Variants in DNA2 observed in about 807,000 individuals in gnomAD.
The protein encoded by DNA2 is DNA replication helicase/nuclease 2, also known as DNA replication ATP-dependent helicase/nuclease DNA2.
DNA2 carries 101 observed loss-of-function variants against 119.1 expected under a neutral mutation model. The observed-to-expected ratio is 0.85, with a 90% CI of 0.72 to 1.00. The LOEUF is 1.00. Among genes scored for constraint, DNA2 ranks in the 50% least tolerant of loss-of-function variants. The probability of loss-of-function intolerance (pLI) is 0.00; values close to 1 mark genes in which losing one functional copy is unlikely to be tolerated. For missense variants in DNA2, 1,121 were observed against 1,255.5 expected (o/e 0.89, Z 1.62); for synonymous variants, 366 against 424.4 (o/e 0.86, Z 1.69).
In DNA2 at chr10:68,416,808, G is replaced by C; in HGVS notation, c.3015C>G (p.Thr1005=). Residue 1005 remains threonine (T), a synonymous_variant, in exon 20 of 21, where the codon ACC becomes ACG. Coordinates refer to ENST00000358410, the MANE Select transcript of DNA2 (RefSeq NM_001080449.3). ...KDWRRLNVAI[T]RAKHKLILLG... ...GAAGAATCAGTTTATGTTTGGCTCTGGTTATAGCAACATTAAGACGTCGCC... is the reference window on the plus strand; with the variant it reads ...GAAGAATCAGTTTATGTTTGGCTCTCGTTATAGCAACATTAAGACGTCGCC... 6.2e-7 allele frequency: 1 copy of C among 1,613,478 alleles called. No homozygotes were observed.
chr10:68,453,919 A>G (rs2052151827), intron 5 of DNA2, among the ~76,000 whole-genome samples: 1 of 152,214 alleles, frequency 6.6e-6, no homozygotes, highest in East Asian at 1.9e-4. Context: ...AAATGTATAT[A>G]AGTTTGTGTT....
rs979221605 is a variant in DNA2, at chr10:68,446,479, C to T, written c.940-66G>A. The stretch of plus-strand genomic sequence containing the variant: ...TCTTGTATTTCCTTACATTGTCTTG[C>T]AACCAACACATAATTTTAAACTCAA... On this transcript the variant is annotated intron_variant, in intron 6 of 20. Transcript: ENST00000358410. The T allele has an allele frequency of 3.1e-6, 3 of 958,902 alleles. No individual in the cohort carries two copies. The African/African-American group carries it at 5.0e-5, about 16-fold the overall frequency. 59.4% of individuals were successfully genotyped at this position (958,902 alleles called of 1,614,324 possible).
At chr10:68,453,768 C>T (rs754778315) in intron 5 of DNA2, among the ~76,000 whole-genome samples, 6 of 152,172 alleles carry the variant, frequency 3.9e-5, no homozygotes, top group East Asian at 1.9e-4. Flanking sequence ...CTATACCATA[C>T]GGCCTAGGTG....
intron 14 of DNA2, 100 bp from the exon 15 acceptor site, chr10:68,422,990 A>T: frequency 1.2e-6 from 1 of 836,576 alleles, no homozygotes; most frequent in Non-Finnish European, 1.8e-6. Context: ...TTTTTGTTCT[A>T]TGGCATCAGG....
intron 5 of DNA2, among the ~76,000 whole-genome samples, chr10:68,457,006 C>T (rs1400229992): frequency 1.3e-5 from 2 of 151,742 alleles, no homozygotes; most frequent in South Asian, 2.1e-4. Flanking sequence ...TGGTGGCAGG[C>T]ACCTGTAGTC....
chr10:68,438,340 A>G (rs1183370094), intron 9 of DNA2, among the ~76,000 whole-genome samples: 1 of 152,054 alleles, frequency 6.6e-6, no homozygotes, highest in African/African-American at 2.4e-5. Context: ...ACCAACATGG[A>G]GAAACCCTGT....
At chr10:68,424,968 G>A (rs1198692252) in intron 14 of DNA2, 12 of 628,926 alleles carry the variant, frequency 1.9e-5, no homozygotes, top group Non-Finnish European at 3.3e-5. Flanking sequence ...CAAATATAAG[G>A]AGGAACTTAT....
intron 14 of DNA2, among the ~76,000 whole-genome samples, chr10:68,429,208 C>T (rs1251282640): frequency 2.0e-5 from 3 of 150,392 alleles, no homozygotes; most frequent in Non-Finnish European, 4.4e-5. Context: ...GCACTATAGC[C>T]GCGCCCATAA....
chr10:68,453,950 T>G (rs1012578420), intron 5 of DNA2, among the ~76,000 whole-genome samples: 7 of 152,224 alleles, frequency 4.6e-5, no homozygotes, highest in Admixed American at 1.3e-4. Flanking sequence ...AATGTGGGAT[T>G]TGATTTCAAA....
At chr10:68,446,163 C>CAA (rs61316500) in intron 7 of DNA2, 133 bp downstream of exon 7, 45 of 580,588 alleles carry the variant, frequency 7.8e-5, no homozygotes, top group South Asian at 3.1e-4. Flanking sequence ...AAAACAACAA[C>CAA]AAAAAAAACC....
At chr10:68,439,019 C>T (rs1234804986) in intron 9 of DNA2, among the ~76,000 whole-genome samples, 2 of 71,302 alleles carry the variant, frequency 2.8e-5, no homozygotes, top group African/African-American at 1.1e-4. Flanking sequence ...GGCAACAGAG[C>T]AAGAATCTGT....
intron 2 of DNA2, among the ~76,000 whole-genome samples, chr10:68,469,312 G>A (rs61855141): frequency 0.044 from 6,598 of 150,862 alleles, 211 homozygotes; most frequent in Middle Eastern, 0.089. Context: ...TTGGGAGGCC[G>A]AGGTGGGCGG....
At chr10:68,439,478 A>G (rs1176815453) in intron 9 of DNA2, among the ~76,000 whole-genome samples, 2 of 152,124 alleles carry the variant, frequency 1.3e-5, no homozygotes, top group Non-Finnish European at 2.9e-5. Context: ...AGGCAGCTGG[A>G]TCACCACGAG....
intron 9 of DNA2, among the ~76,000 whole-genome samples, chr10:68,442,450 G>A (rs543355737): frequency 2.5e-4 from 38 of 151,780 alleles, no homozygotes; most frequent in Admixed American, 2.2e-3. Flanking sequence ...GCAATGGCAG[G>A]ATCTTGGTTG....
intron 20 of DNA2, among the ~76,000 whole-genome samples, chr10:68,415,809 A>T (rs147636681): frequency 1.3e-5 from 2 of 151,956 alleles, no homozygotes; most frequent in East Asian, 3.9e-4. Flanking sequence ...ACACGTCACC[A>T]TGCCCAGCTA....
At chr10:68,471,170 G>A (rs1007656171) in intron 1 of DNA2, among the ~76,000 whole-genome samples, 3 of 152,158 alleles carry the variant, frequency 2.0e-5, no homozygotes, top group African/African-American at 4.8e-5. Context: ...TACACTGCAA[G>A]TTATCTTTTG....
intron 5 of DNA2, among the ~76,000 whole-genome samples, chr10:68,456,489 G>A (rs114059542): frequency 0.025 from 3,729 of 152,052 alleles, 144 homozygotes; most frequent in African/African-American, 0.085. Flanking sequence ...ATCTCGGCTC[G>A]CTGTAATCTC....
intron 9 of DNA2, among the ~76,000 whole-genome samples, chr10:68,442,406 G>A (rs1406425325): frequency 6.8e-6 from 1 of 147,740 alleles, no homozygotes; most frequent in Admixed American, 6.7e-5. Context: ...TTGTTTTTTT[G>A]TGACAGTTTT....
At chr10:68,471,753 C>T (rs761843946) in intron 1 of DNA2, 38 bp downstream of exon 1, 46 of 1,540,324 alleles carry the variant, frequency 3.0e-5, no homozygotes, top group Non-Finnish European at 3.8e-5. Flanking sequence ...TTTCAAATCT[C>T]CCGCTTTGTT....
Sources: gnomAD v4.1 joint callset for allele counts (sites outside exome capture counted in the v4.1 genomes callset) on GRCh38, gnomAD v4.1.1 for gene constraint, MANE v1.5 for transcripts, NCBI Gene and HGNC (gene_info 2026-07-23, HGNC 2026-07-21) for gene names.